CPPED1: variants seen among roughly 807,000 people sequenced by gnomAD.
CPPED1 encodes serine/threonine-protein phosphatase CPPED1.
CPPED1 carries 28 observed loss-of-function variants against 28.0 expected under a neutral mutation model. The observed-to-expected ratio is 1.00, with a 90% CI of 0.74 to 1.37. The LOEUF (loss-of-function observed/expected upper bound fraction) is 1.37. Ranked by LOEUF, CPPED1 falls within the 40% of genes most tolerant of loss-of-function variation. The pLI, the probability that CPPED1 is intolerant of heterozygous loss-of-function variation, is 0.00. For missense variants in CPPED1, 504 were observed against 416.5 expected (o/e 1.21, Z -1.83); for synonymous variants, 198 against 180.2 (o/e 1.10, Z -0.79).
intron 2 of CPPED1, among the ~76,000 whole-genome samples, chr16:12,765,776 C>A (rs1159392124): frequency 6.6e-6 from 1 of 152,178 alleles, no homozygotes; most frequent in East Asian, 1.9e-4. Context: ...AGGTGACTTT[C>A]TAAATTCTGG....
Position 12,776,823 on chromosome 16 carries a change from G to C in CPPED1, c.289+4362C>G, listed in dbSNP as rs562738364. On this transcript the variant is annotated intron_variant, in intron 2 of 3. Coordinates refer to ENST00000381774, the MANE Select transcript of CPPED1 (RefSeq NM_018340.3). The stretch of plus-strand genomic sequence containing the variant: ...AGTCCCAGCTACTCAGGAAGCTGAG[G>C]CAGGAGAATCGCTTGAACCCAGGAG... 3.7e-3 allele frequency among the ~76,000 whole-genome samples: 563 copies of C among 152,224 alleles called. 2 individuals are homozygous for C. The highest frequency in any genetic ancestry group is 0.013 in the African/African-American group (542 of 41,532).
intron 2 of CPPED1, among the ~76,000 whole-genome samples, chr16:12,740,230 G>C (rs1484843747): frequency 2.0e-5 from 3 of 151,864 alleles, no homozygotes; most frequent in African/African-American, 7.3e-5. Context: ...GCGGGTACCT[G>C]AGGTCAGGAG....
At chr16:12,708,194 T>C (rs1596454756) in intron 2 of CPPED1, among the ~76,000 whole-genome samples, 1 of 152,026 alleles carries the variant, frequency 6.6e-6, no homozygotes, top group East Asian at 1.9e-4. Flanking sequence ...AAGATGAGCC[T>C]CTTTCTTGTG....
intron 2 of CPPED1, among the ~76,000 whole-genome samples, chr16:12,727,699 C>T (rs2080177167): frequency 6.6e-6 from 1 of 152,102 alleles, no homozygotes; most frequent in Non-Finnish European, 1.5e-5. Flanking sequence ...ATGTTAATTC[C>T]TCAAATAATG....
chr16:12,757,399 C>A (rs1456281615), intron 2 of CPPED1: 1 of 151,920 alleles, frequency 6.6e-6, no homozygotes, highest in Non-Finnish European at 1.5e-5. Flanking sequence ...ACCAGAACTG[C>A]ACAGGGGGAT....
At chr16:12,701,956 G>C (rs1353250445) in intron 3 of CPPED1, among the ~76,000 whole-genome samples, 1 of 152,214 alleles carries the variant, frequency 6.6e-6, no homozygotes. Context: ...CTACCAAGCA[G>C]CCTCCTGATT....
intron 1 of CPPED1, among the ~76,000 whole-genome samples, chr16:12,785,369 C>A (rs1345592141): frequency 6.6e-6 from 1 of 152,060 alleles, no homozygotes; most frequent in Admixed American, 6.6e-5. Context: ...CCTGCCTCAG[C>A]CTCCCAAAGT....
intron 2 of CPPED1, among the ~76,000 whole-genome samples, chr16:12,754,811 C>T (rs1436164711): frequency 2.0e-5 from 3 of 151,966 alleles, no homozygotes; most frequent in East Asian, 3.9e-4. Flanking sequence ...CCAGCCTGGG[C>T]GACACAGTGA....
At chr16:12,783,729 A>T (rs190618184) in intron 1 of CPPED1, among the ~76,000 whole-genome samples, 20 of 152,298 alleles carry the variant, frequency 1.3e-4, no homozygotes, top group African/African-American at 3.4e-4. Context: ...TTAAAGAAAA[A>T]AAAAGTGAAC....
intron 3 of CPPED1, among the ~76,000 whole-genome samples, chr16:12,693,383 G>T (rs373949281): frequency 1.3e-4 from 20 of 152,070 alleles, no homozygotes; most frequent in African/African-American, 4.1e-4. Flanking sequence ...TTTTTGTAGA[G>T]ACAGGTTTCA....
At chr16:12,784,567 A>AC (rs2080551861) in intron 1 of CPPED1, among the ~76,000 whole-genome samples, 1 of 152,086 alleles carries the variant, frequency 6.6e-6, no homozygotes, top group Non-Finnish European at 1.5e-5. Context: ...AAAAAAAAAA[A>AC]AACTGAGACT....
intron 3 of CPPED1, among the ~76,000 whole-genome samples, chr16:12,673,523 TTGAG>T (rs2079862970): frequency 6.6e-6 from 1 of 152,196 alleles, no homozygotes; most frequent in African/African-American, 2.4e-5. Context: ...TCACACCATA[TTGAG>T]TGGCATTAAC....
At chr16:12,749,484 C>G (rs1755619497) in intron 2 of CPPED1, among the ~76,000 whole-genome samples, 1 of 152,216 alleles carries the variant, frequency 6.6e-6, no homozygotes, top group African/African-American at 2.4e-5. Flanking sequence ...GTTCTGTCTT[C>G]TACTGAAGTC....
Position 12,662,758 on chromosome 16 carries a change from CAT to C in CPPED1, c.*2126_*2127del, listed in dbSNP as rs1456116254. The C allele has an allele frequency of 2.0e-5, 3 of 152,214 alleles. No individual in the cohort carries two copies. Among genetic ancestry groups the C allele is most frequent in the African/African-American group, 7.2e-5 (3 of 41,444 alleles). 9.4% of individuals were successfully genotyped at this position (152,214 alleles called of 1,614,324 possible). ...AGTATTCCATTATGTATACATACCA[CAT>C]GTTCTTTATCCAATCATCTGTTGAT... On this transcript the variant is annotated 3_prime_UTR_variant, in exon 4 of 4. Transcript: ENST00000381774.
chr16:12,803,668 G>GC, intron 1 of CPPED1, 39 bp downstream of exon 1: 4 of 1,447,068 alleles, frequency 2.8e-6, no homozygotes, highest in Non-Finnish European at 3.7e-6. Context: ...AGGTTCCGCA[G>GC]CCCCAGAGTC....
At chr16:12,771,472 A>G (rs890136649) in intron 2 of CPPED1, among the ~76,000 whole-genome samples, 1 of 152,228 alleles carries the variant, frequency 6.6e-6, no homozygotes, top group African/African-American at 2.4e-5. Context: ...ATACGGACAC[A>G]CAGACACACA....
At chr16:12,667,552 G>A (rs1650998) in intron 3 of CPPED1, among the ~76,000 whole-genome samples, 109,239 of 152,090 alleles carry the variant, frequency 0.72, 42,452 homozygotes, top group Non-Finnish European at 0.89. Flanking sequence ...CCAGGAGTAT[G>A]AGATCAGCCT....
In CPPED1 at chr16:12,664,832, T is replaced by G. The variant is rs2079815665; in HGVS notation, c.*54A>C. The G allele has an allele frequency of 1.9e-6, 3 of 1,605,238 alleles. No homozygotes were observed. Among genetic ancestry groups the G allele is most frequent in the Non-Finnish European group, 2.5e-6 (3 of 1,177,818 alleles). On this transcript the variant is annotated 3_prime_UTR_variant, in exon 4 of 4. Coordinates refer to ENST00000381774, the MANE Select transcript of CPPED1 (RefSeq NM_018340.3). The surrounding 1 kb of genome is among the most constrained non-coding windows in gnomAD (Gnocchi z 4.2). ...AGAGGTTGTGTGCAGCTGCTGTTTC[T>G]GGCAAAATAAAAAAATAGTGCAAGT...
chr16:12,707,796 C>T (rs1411591729), intron 2 of CPPED1, among the ~76,000 whole-genome samples: 3 of 152,048 alleles, frequency 2.0e-5, no homozygotes, highest in Non-Finnish European at 2.9e-5. Context: ...CCAATATCCC[C>T]CAGTAATCTG....
Sources: gnomAD v4.1 joint callset for allele counts (sites outside exome capture counted in the v4.1 genomes callset) on GRCh38, gnomAD v4.1.1 for gene constraint, Gnocchi (gnomAD v3.1) non-coding constraint, MANE v1.5 for transcripts, NCBI Gene and HGNC (gene_info 2026-07-23, HGNC 2026-07-21) for gene names.